The following CAPN9 variants were observed in gnomAD, a reference collection of about 807,000 sequenced individuals.
The protein encoded by CAPN9 is calpain 9, also known as calpain-9.
CAPN9 carries 81 observed loss-of-function variants against 92.8 expected under a neutral mutation model. The ratio of observed to expected loss-of-function variants is 0.87; its 90% CI spans 0.73 to 1.05. The LOEUF is 1.05. Ranked by LOEUF, CAPN9 falls within the 50% of genes least tolerant of loss-of-function variation. CAPN9 has a pLI of 0.00. For synonymous variants in CAPN9, 304 were observed against 328.0 expected, an observed-to-expected ratio of 0.93 and a Z score of 0.79; for missense variants, 848 against 866.2, an observed-to-expected ratio of 0.98 and a Z score of 0.26.
In CAPN9 at chr1:230,792,785, T is replaced by C; in HGVS notation, c.1792-65T>C. ...CTCCCCCGGGCTGGCTGTCACCCAT[T>C]TACTGCCATCAGCGATGCCTTTCAG... On this transcript the variant is annotated intron_variant, in intron 16 of 19. Coordinates refer to ENST00000271971, the MANE Select transcript of CAPN9 (RefSeq NM_006615.3). The C allele has an allele frequency of 1.7e-5, 24 of 1,377,432 alleles. No homozygotes were observed. The South Asian group carries it at 2.7e-4, about 15-fold the overall frequency. 85.3% of individuals were successfully genotyped at this position (1,377,432 alleles called of 1,614,324 possible). A position where few individuals can be genotyped will look rare whatever the true frequency, so the allele number is the denominator to read the frequency against.
rs1194162970 is a variant in CAPN9, at chr1:230,773,981, AG to A, written c.876-572del. Among the ~76,000 whole-genome samples, 8 of 152,260 alleles carry A rather than the reference AG, an allele frequency of 5.3e-5. No homozygotes were observed. The East Asian group carries it at 1.4e-3, about 26-fold the overall frequency. ...ATTCCTACCCCTACTCTTCCCTGAG[AG>A]TGTTTCCATGGGCCTACCTGAGCCC... is the stretch of plus-strand genomic sequence containing the variant. On this transcript the variant is annotated intron_variant, in intron 7 of 19. Transcript: ENST00000271971.
At chr1:230,766,692 C>T (rs748067086) in intron 4 of CAPN9, among the ~76,000 whole-genome samples, 1 of 152,198 alleles carries the variant, frequency 6.6e-6, no homozygotes, top group Non-Finnish European at 1.5e-5. Context: ...TCTGTTTTCA[C>T]ACTGCTGATA....
intron 13 of CAPN9, among the ~76,000 whole-genome samples, chr1:230,788,323 T>C (rs889156048): frequency 6.6e-6 from 1 of 152,166 alleles, no homozygotes; most frequent in African/African-American, 2.4e-5. Context: ...TCCTAGCTCT[T>C]TCCACTGCTC....
intron 14 of CAPN9, 79 bp from the exon 15 acceptor site, chr1:230,791,785 A>G (rs947301598): frequency 1.2e-5 from 13 of 1,095,552 alleles, no homozygotes; most frequent in Non-Finnish European, 1.8e-5. Context: ...ATTTAGCCAC[A>G]TTATTGGGCT....
chr1:230,753,796 C>G (rs953689687), intron 1 of CAPN9, among the ~76,000 whole-genome samples: 2 of 152,066 alleles, frequency 1.3e-5, no homozygotes, highest in East Asian at 3.9e-4. Flanking sequence ...ACGGGCCTCG[C>G]TGCCACAGGA....
Position 230,790,185 on chromosome 1 carries a change from A to G in CAPN9, c.1653A>G (p.Gln551=), listed in dbSNP as rs761892090. 1.2e-5 allele frequency: 19 copies of G among 1,614,042 alleles called. No homozygotes were observed. Among genetic ancestry groups the G allele is most frequent in the Non-Finnish European group, 1.5e-5 (18 of 1,180,022 alleles). The change falls in exon 14 of 20, where the codon CAA becomes CAG. Residue 551 remains glutamine, a synonymous_variant. Transcript: ENST00000271971. ...AGTATGTTTTAAATGCTGTGCTGCA[A>G]AAGAGTAAGTGCCAACCCCATCGGG... The part of the protein sequence containing the change: ...ELEYVLNAVL[Q]KKKDIKFKKL...
At chr1:230,764,594 G>T (rs904204641) in intron 4 of CAPN9, among the ~76,000 whole-genome samples, 3 of 152,240 alleles carry the variant, frequency 2.0e-5, no homozygotes, top group Non-Finnish European at 4.4e-5. Context: ...AGTAACTTTG[G>T]AAATCAGTGG....
chr1:230,762,621 C>T (rs375494314), intron 3 of CAPN9, 32 bp from the exon 4 acceptor site: 21 of 1,609,826 alleles, frequency 1.3e-5, no homozygotes, highest in East Asian at 4.5e-5. Flanking sequence ...GTAGCTGACT[C>T]GCATCATTTC....
chr1:230,801,537 A>G, intron 19 of CAPN9, 33 bp from the exon 20 acceptor site: 6 of 1,612,142 alleles, frequency 3.7e-6, no homozygotes, highest in Non-Finnish European at 5.1e-6. Context: ...ATGGAAGGAC[A>G]ACGACCCCTC....
At chr1:230,755,164 C>T (rs568864326) in intron 1 of CAPN9, among the ~76,000 whole-genome samples, 173 bp from the exon 2 acceptor site, 29 of 152,286 alleles carry the variant, frequency 1.9e-4, no homozygotes, top group African/African-American at 6.3e-4. Context: ...CCAGCCTTAT[C>T]CAGAGCATAG....
intron 8 of CAPN9, among the ~76,000 whole-genome samples, chr1:230,778,094 C>T (rs2102889819): frequency 6.6e-6 from 1 of 152,246 alleles, no homozygotes; most frequent in African/African-American, 2.4e-5. Context: ...GTGCCCAAAC[C>T]TGACCTCCTG....
intron 19 of CAPN9, among the ~76,000 whole-genome samples, chr1:230,799,585 A>G (rs755559636): frequency 2.6e-5 from 4 of 152,150 alleles, no homozygotes; most frequent in Non-Finnish European, 5.9e-5. Flanking sequence ...AATATTAGCT[A>G]TTTTGTTATA....
chr1:230,757,645 G>A (rs538836555), intron 2 of CAPN9, among the ~76,000 whole-genome samples: 102 of 151,666 alleles, frequency 6.7e-4, no homozygotes, highest in African/African-American at 2.3e-3. Context: ...GCTTTGGGAG[G>A]GGGAGGTGGG....
At chr1:230,794,248 C>T (rs1324169962) in intron 17 of CAPN9, among the ~76,000 whole-genome samples, 2 of 152,064 alleles carry the variant, frequency 1.3e-5, no homozygotes, top group African/African-American at 2.4e-5. Context: ...CTTTGGGAGG[C>T]CTAGGTGGGT....
chr1:230,752,388 G>A (rs915004564), intron 1 of CAPN9, among the ~76,000 whole-genome samples: 2 of 152,186 alleles, frequency 1.3e-5, no homozygotes, highest in Admixed American at 6.5e-5. Flanking sequence ...ATTTATACCC[G>A]ATGGCTAATT....
At chr1:230,793,052 T>C (rs769746162) in intron 17 of CAPN9, 124 bp downstream of exon 17, 26 of 740,008 alleles carry the variant, frequency 3.5e-5, no homozygotes, top group Middle Eastern at 3.2e-4. Context: ...CAGTTGGTGA[T>C]TCTTAAGGTC....
chr1:230,761,493 C>A (rs1665633957), intron 3 of CAPN9, among the ~76,000 whole-genome samples: 1 of 151,976 alleles, frequency 6.6e-6, no homozygotes, highest in South Asian at 2.1e-4. Context: ...GTGGATAGCC[C>A]CAAAAGCGGG....
At chr1:230,800,195 GGAAAAGAAA>G (rs1178525601) in intron 19 of CAPN9, among the ~76,000 whole-genome samples, 3 of 103,478 alleles carry the variant, frequency 2.9e-5, no homozygotes, top group Non-Finnish European at 4.1e-5. Flanking sequence ...AAGGAAAGAA[GGAAAAGAAA>G]GAAAAGAAAG....
chr1:230,774,068 C>CACAT (rs1393305359), intron 7 of CAPN9, among the ~76,000 whole-genome samples: 6 of 152,200 alleles, frequency 3.9e-5, no homozygotes, highest in African/African-American at 1.4e-4. Flanking sequence ...CCAGCGAGGT[C>CACAT]ACATACAAAA....
Sources: gnomAD v4.1 joint callset for allele counts (sites outside exome capture counted in the v4.1 genomes callset) on GRCh38, gnomAD v4.1.1 for gene constraint, MANE v1.5 for transcripts, NCBI Gene and HGNC (gene_info 2026-07-23, HGNC 2026-07-21) for gene names.